GRIA1: variants seen among roughly 807,000 people sequenced by gnomAD.
GRIA1 encodes glutamate ionotropic receptor AMPA type subunit 1.
A neutral mutation model predicts 99.2 loss-of-function variants in GRIA1; 31 were observed. The observed-to-expected ratio is 0.31, with a 90% CI of 0.23 to 0.42. GRIA1 has a LOEUF of 0.42. Among genes scored for constraint, GRIA1 ranks in the 10% least tolerant of loss-of-function variants. GRIA1 has a pLI of 1.00. For missense variants in GRIA1, 782 were observed against 1,157.5 expected (o/e 0.68, Z 4.71); for synonymous variants, 438 against 432.4 (o/e 1.01, Z -0.16).
chr5:153,809,648 T>C (rs1561878897), intron 15 of GRIA1, among the ~76,000 whole-genome samples: 2 of 152,192 alleles, frequency 1.3e-5, no homozygotes, highest in African/African-American at 4.8e-5. Flanking sequence ...TTAGACAAAT[T>C]CAAAAGCATC....
At chr5:153,636,926 G>A (rs1561714605) in intron 2 of GRIA1, among the ~76,000 whole-genome samples, 1 of 152,226 alleles carries the variant, frequency 6.6e-6, no homozygotes, top group Non-Finnish European at 1.5e-5. Context: ...ACAGGCCATG[G>A]AGTAGGACAG....
rs1337460067 is a variant in GRIA1 at position 153,653,652 on chromosome 5, G to T, written c.646-2167G>T. Among the ~76,000 whole-genome samples the T allele has an allele frequency of 2.6e-5, 4 of 152,240 alleles. No individual in the cohort carries two copies. In the East Asian group the frequency reaches 7.7e-4, roughly 29 times the overall value. ...TATTGTCTTCATGGTGCTTGTACCT[G>T]CTGAAATCTTGTTCATTTATCTATT... On this transcript the variant is annotated intron_variant, in intron 4 of 15. Transcript: ENST00000285900.
At chr5:153,584,141 G>A (rs28701828) in intron 2 of GRIA1, among the ~76,000 whole-genome samples, 19,167 of 152,210 alleles carry the variant, frequency 0.13, 1,234 homozygotes, top group African/African-American at 0.14. Context: ...GTCATGGACA[G>A]GCACCCCAGC....
At chr5:153,795,572 C>T (rs1471656623) in intron 14 of GRIA1, 4 of 1,606,666 alleles carry the variant, frequency 2.5e-6, no homozygotes, top group Non-Finnish European at 3.4e-6. Flanking sequence ...AATGTGGAAG[C>T]AAGGACTCCG....
rs1481970837 is a variant in GRIA1, at chr5:153,637,874, T to G, written c.221-9054T>G. On this transcript the variant is annotated intron_variant, in intron 2 of 15. Coordinates refer to ENST00000285900, the MANE Select transcript of GRIA1 (RefSeq NM_000827.4). ...AACAGCACCGTGCAATTTTCGTTAT[T>G]CCCTACCTAGCTCTTTATGAGTTAT... Among the ~76,000 whole-genome samples, 11 of 152,348 alleles carry G rather than the reference T, an allele frequency of 7.2e-5. No individual in the cohort carries two copies. In the East Asian group the frequency reaches 2.1e-3, roughly 29 times the overall value.
At chr5:153,771,779 T>A (rs1763898864) in intron 13 of GRIA1, among the ~76,000 whole-genome samples, 1 of 152,220 alleles carries the variant, frequency 6.6e-6, no homozygotes, top group South Asian at 2.1e-4. Flanking sequence ...AAGCGTAAGC[T>A]TATTATTCTG....
chr5:153,766,648 T>C (rs1043622934), intron 12 of GRIA1, among the ~76,000 whole-genome samples: 17 of 152,170 alleles, frequency 1.1e-4, no homozygotes, highest in African/African-American at 4.1e-4. Context: ...CTGAACCACA[T>C]GGTCTTAATG....
chr5:153,778,637 A>G (rs1287342473), intron 13 of GRIA1, among the ~76,000 whole-genome samples: 1 of 141,834 alleles, frequency 7.1e-6, no homozygotes, highest in African/African-American at 2.7e-5. Flanking sequence ...AGATTATTTA[A>G]TCATCACCCC....
intron 2 of GRIA1, among the ~76,000 whole-genome samples, chr5:153,593,985 A>G (rs1764207610): frequency 6.6e-6 from 1 of 152,200 alleles, no homozygotes; most frequent in Non-Finnish European, 1.5e-5. Context: ...TTGATTGGAG[A>G]TGAAATGCAA....
intron 15 of GRIA1, among the ~76,000 whole-genome samples, chr5:153,809,848 G>A (rs997913235): frequency 2.6e-5 from 4 of 152,214 alleles, no homozygotes; most frequent in Non-Finnish European, 5.9e-5. Context: ...GCAGGCTGGT[G>A]TAGTCTAGGA....
At chr5:153,733,971 A>C (rs1443860188) in intron 11 of GRIA1, among the ~76,000 whole-genome samples, 1 of 152,200 alleles carries the variant, frequency 6.6e-6, no homozygotes, top group Non-Finnish European at 1.5e-5. Flanking sequence ...ATCCATAAGG[A>C]AACATTGGAC....
intron 13 of GRIA1, among the ~76,000 whole-genome samples, chr5:153,782,826 G>T (rs1250791645): frequency 6.6e-6 from 1 of 152,166 alleles, no homozygotes; most frequent in Admixed American, 6.5e-5. Flanking sequence ...TACCATACAG[G>T]AGTGAAGGGA....
At chr5:153,619,197 G>C (rs897688662) in intron 2 of GRIA1, among the ~76,000 whole-genome samples, 25 of 152,100 alleles carry the variant, frequency 1.6e-4, no homozygotes, top group Admixed American at 1.6e-3. Context: ...CATTCAACCT[G>C]CATATTTTTT....
chr5:153,791,907 G>GAAA (rs565834531), intron 13 of GRIA1, among the ~76,000 whole-genome samples: 2 of 141,422 alleles, frequency 1.4e-5, no homozygotes, highest in Non-Finnish European at 3.1e-5. Flanking sequence ...TGTTCATTTG[G>GAAA]AAAAAAAAAA....
chr5:153,757,988 A>C (rs764645303), intron 11 of GRIA1, among the ~76,000 whole-genome samples: 3 of 152,122 alleles, frequency 2.0e-5, no homozygotes, highest in Non-Finnish European at 2.9e-5. Flanking sequence ...AATAACAATA[A>C]CTACAATAAT....
At chr5:153,656,078 T>C (rs922140486) in intron 5 of GRIA1, among the ~76,000 whole-genome samples, 8 of 152,120 alleles carry the variant, frequency 5.3e-5, no homozygotes, top group African/African-American at 1.9e-4. Context: ...CCTCTAACCT[T>C]CCTTGGAAGA....
intron 2 of GRIA1, among the ~76,000 whole-genome samples, chr5:153,637,882 T>A (rs1044126865): frequency 3.9e-5 from 6 of 152,234 alleles, no homozygotes; most frequent in African/African-American, 1.4e-4. Flanking sequence ...ATTCCCTACC[T>A]AGCTCTTTAT....
In GRIA1 at chr5:153,490,954, C is replaced by T; in HGVS notation, c.66C>T (p.Pro22=). The T allele has an allele frequency of 6.2e-7, 1 of 1,614,044 alleles. No homozygotes were observed. The highest frequency in any genetic ancestry group is 8.5e-7 in the Non-Finnish European group (1 of 1,179,946). ...GCGCGGTAGTAGGTGCCAATTTCCC[C>T]AACAATATCCAGATCGGTGAGTGAG... ...FLGAVVGANF[P]NNIQIGGLFP... The change falls in exon 1 of 16, where the codon CCC becomes CCT. Residue 22 remains proline (P), a synonymous_variant. Transcript: ENST00000285900.
chr5:153,530,976 T>C (rs1758045498), intron 2 of GRIA1, among the ~76,000 whole-genome samples: 1 of 152,168 alleles, frequency 6.6e-6, no homozygotes, highest in East Asian at 1.9e-4. Context: ...TAGCAGTAAC[T>C]TCAGATAATA....
Sources: allele counts gnomAD v4.1 joint callset (sites outside exome capture counted in the v4.1 genomes callset), GRCh38; gene constraint gnomAD v4.1.1; transcripts MANE v1.5; gene names NCBI Gene and HGNC (gene_info 2026-07-23, HGNC 2026-07-21).